The following KCNH8 variants were observed in gnomAD, a reference collection of about 807,000 sequenced individuals.
KCNH8 encodes the protein potassium voltage-gated channel subfamily H member 8, also known as voltage-gated delayed rectifier potassium channel KCNH8.
KCNH8 carries 70 observed loss-of-function variants against 103.6 expected under a neutral mutation model. That is an observed-to-expected ratio of 0.68 (90% CI 0.56 to 0.82). KCNH8 has a LOEUF of 0.82. Ranked by LOEUF, KCNH8 falls within the 40% of genes least tolerant of loss-of-function variation. The pLI is 0.00. For synonymous variants in KCNH8, 498 were observed against 489.4 expected (o/e 1.02, Z -0.23); for missense variants, 1,217 against 1,329.9 (o/e 0.92, Z 1.32).
intron 7 of KCNH8, among the ~76,000 whole-genome samples, chr3:19,419,188 G>GTTTTC: frequency 1.3e-5 from 1 of 75,880 alleles, no homozygotes; most frequent in African/African-American, 4.6e-5. Flanking sequence ...TAATTAAAAT[G>GTTTTC]GTTTTGGTTT....
At chr3:19,336,200 A>T (rs539864017) in intron 3 of KCNH8, among the ~76,000 whole-genome samples, 3 of 151,802 alleles carry the variant, frequency 2.0e-5, no homozygotes, top group African/African-American at 7.2e-5. Flanking sequence ...TCTCTCATTC[A>T]TCTGATTACA....
Position 19,411,789 on chromosome 3 carries a change from A to G in KCNH8, c.1177+16478A>G, listed in dbSNP as rs535719518. On this transcript the variant is annotated intron_variant, in intron 7 of 15. Transcript: ENST00000328405. ...CACACACACACAGACACACACACAC[A>G]CACACACAGACTACGAATACATCAA... is the stretch of plus-strand genomic sequence containing the variant. Among the ~76,000 whole-genome samples, 6 of 151,832 alleles carry G rather than the reference A, an allele frequency of 4.0e-5. No individual in the cohort carries two copies. The South Asian group carries it at 1.2e-3, about 32-fold the overall frequency.
intron 3 of KCNH8, among the ~76,000 whole-genome samples, chr3:19,302,825 C>T (rs1355617796): frequency 2.6e-5 from 4 of 152,160 alleles, no homozygotes; most frequent in Non-Finnish European, 4.4e-5. Context: ...TATTATGTCT[C>T]GTCACTACTG....
chr3:19,247,672 A>G (rs972807183), intron 1 of KCNH8, among the ~76,000 whole-genome samples: 2 of 152,204 alleles, frequency 1.3e-5, no homozygotes, highest in African/African-American at 2.4e-5. Context: ...AAGAGAACCA[A>G]TATCAAAGAT....
At position 19,323,055 on chromosome 3, in the gene KCNH8, G is replaced by A. The variant is rs184228321; in HGVS notation, c.443-19532G>A. Among the ~76,000 whole-genome samples the A allele has an allele frequency of 2.6e-4, 39 of 151,904 alleles. No homozygotes were observed. In the East Asian group the frequency reaches 4.9e-3, roughly 19 times the overall value. On this transcript the variant is annotated intron_variant, in intron 3 of 15. Coordinates refer to ENST00000328405, the MANE Select transcript of KCNH8 (RefSeq NM_144633.3). ...TCCAGAAATTGTGATTGTTTTTTAC[G>A]TTTGCTATTTCATTGGAGATTTTTC...
At chr3:19,207,716 C>T (rs535490268) in intron 1 of KCNH8, among the ~76,000 whole-genome samples, 1 of 151,992 alleles carries the variant, frequency 6.6e-6, no homozygotes, top group Admixed American at 6.6e-5. Context: ...AAGCCAGTGA[C>T]AAAATAAGTG....
At chr3:19,376,168 C>G (rs2066196559) in intron 5 of KCNH8, among the ~76,000 whole-genome samples, 1 of 152,248 alleles carries the variant, frequency 6.6e-6, no homozygotes, top group African/African-American at 2.4e-5. Flanking sequence ...CTAAGCAAGC[C>G]TGGGCAATGG....
At chr3:19,422,169 A>G (rs1004317780) in intron 7 of KCNH8, among the ~76,000 whole-genome samples, 1 of 152,094 alleles carries the variant, frequency 6.6e-6, no homozygotes, top group Non-Finnish European at 1.5e-5. Flanking sequence ...GTTTTGCTAT[A>G]TGATACTGAT....
intron 3 of KCNH8, among the ~76,000 whole-genome samples, chr3:19,284,668 T>C (rs779595057): frequency 6.6e-6 from 1 of 151,974 alleles, no homozygotes; most frequent in African/African-American, 2.4e-5. Flanking sequence ...CCAAAAATAG[T>C]GTGTACACCA....
chr3:19,272,282 A>G lies in KCNH8; in HGVS notation c.311-8916A>G, dbSNP rs2064599580. ...TTGGTTCCCAGTAAAATTTTGAGGTACAATGACAAGAAGAAGGGGGCATAG... is the reference window on the plus strand; with the variant it reads ...TTGGTTCCCAGTAAAATTTTGAGGTGCAATGACAAGAAGAAGGGGGCATAG... On this transcript the variant is annotated intron_variant, in intron 2 of 15. Transcript: ENST00000328405. 1.3e-5 allele frequency among the ~76,000 whole-genome samples: 2 copies of G among 152,134 alleles called. 1 individual carries two copies. Among genetic ancestry groups the G allele is most frequent in the South Asian group, 4.1e-4 (2 of 4,824 alleles).
At chr3:19,185,232 T>C (rs1306414698) in intron 1 of KCNH8, among the ~76,000 whole-genome samples, 1 of 151,922 alleles carries the variant, frequency 6.6e-6, no homozygotes, top group East Asian at 1.9e-4. Context: ...GCAATACAAT[T>C]TTACATTTCT....
At chr3:19,293,257 C>T (rs149340525) in intron 3 of KCNH8, among the ~76,000 whole-genome samples, 5 of 152,210 alleles carry the variant, frequency 3.3e-5, no homozygotes, top group African/African-American at 9.6e-5. Flanking sequence ...CACTATACCA[C>T]AAGGGGACCT....
chr3:19,207,176 G>A (rs2063725865), intron 1 of KCNH8, among the ~76,000 whole-genome samples: 1 of 151,968 alleles, frequency 6.6e-6, no homozygotes, highest in Non-Finnish European at 1.5e-5. Context: ...TATACAGCAG[G>A]AGAGAAACTT....
At chr3:19,478,624 A>G (rs563396427) in intron 11 of KCNH8, among the ~76,000 whole-genome samples, 30 of 152,144 alleles carry the variant, frequency 2.0e-4, no homozygotes, top group Non-Finnish European at 2.9e-4. Context: ...CACAAGCCAA[A>G]TGTGGCCAAC....
intron 2 of KCNH8, among the ~76,000 whole-genome samples, chr3:19,262,891 A>C (rs1394757903): frequency 6.6e-6 from 1 of 152,076 alleles, no homozygotes; most frequent in African/African-American, 2.4e-5. Context: ...TTCTGAGCAA[A>C]ACAAAATTAT....
chr3:19,326,360 T>TATATATATA (rs1319793452), intron 3 of KCNH8, among the ~76,000 whole-genome samples: 1 of 80,022 alleles, frequency 1.2e-5, no homozygotes, highest in African/African-American at 6.3e-5. Context: ...AAGTTAAATA[T>TATATATATA]ATATATATAT....
chr3:19,245,477 T>TATTCTAATTC (rs2064192415), intron 1 of KCNH8, among the ~76,000 whole-genome samples: 1 of 152,228 alleles, frequency 6.6e-6, no homozygotes, highest in Non-Finnish European at 1.5e-5. Flanking sequence ...TAGAATATTT[T>TATTCTAATTC]ATTCTAATTC....
At chr3:19,472,563 C>T (rs2067885570) in intron 11 of KCNH8, among the ~76,000 whole-genome samples, 1 of 152,122 alleles carries the variant, frequency 6.6e-6, no homozygotes, top group African/African-American at 2.4e-5. Context: ...TGCCTTCCAC[C>T]ATGATTGTGA....
chr3:19,530,915 AT>A (rs1377313294), intron 15 of KCNH8, among the ~76,000 whole-genome samples: 1 of 152,202 alleles, frequency 6.6e-6, no homozygotes, highest in Non-Finnish European at 1.5e-5. Context: ...TATTGCTCCC[AT>A]TTTACAAGTT....
Sources: allele counts gnomAD v4.1 joint callset (sites outside exome capture counted in the v4.1 genomes callset), GRCh38; gene constraint gnomAD v4.1.1; transcripts MANE v1.5; gene names NCBI Gene and HGNC (gene_info 2026-07-23, HGNC 2026-07-21).